KLF9: variants seen among roughly 807,000 people sequenced by gnomAD.
The protein encoded by KLF9 is Krueppel-like factor 9.
KLF9 carries 2 observed loss-of-function variants against 17.3 expected under a neutral mutation model. The observed-to-expected ratio is 0.12, with a 90% CI of 0.05 to 0.36. KLF9 has a LOEUF of 0.36. KLF9 is among the 10% of genes least tolerant of loss of function. KLF9 has a pLI of 1.00. For synonymous variants in KLF9, 138 were observed against 139.2 expected (o/e 0.99, Z 0.06); for missense variants, 226 against 333.2 (o/e 0.68, Z 2.51).
intron 1 of KLF9, among the ~76,000 whole-genome samples, chr9:70,389,247 C>T (rs1312317069): frequency 6.6e-6 from 1 of 152,076 alleles, no homozygotes; most frequent in African/African-American, 2.4e-5. Flanking sequence ...CATTTCCAAA[C>T]AATTCCAGTT....
intron 1 of KLF9, among the ~76,000 whole-genome samples, chr9:70,409,635 T>C (rs1385934311): frequency 6.6e-6 from 1 of 152,174 alleles, no homozygotes; most frequent in Non-Finnish European, 1.5e-5. Context: ...TATATTTTCA[T>C]ATAAAATACT....
At chr9:70,409,741 T>C (rs1296117195) in intron 1 of KLF9, among the ~76,000 whole-genome samples, 3 of 152,260 alleles carry the variant, frequency 2.0e-5, no homozygotes, top group Non-Finnish European at 4.4e-5. Flanking sequence ...ATTTGTTGCA[T>C]CTTTTGTTTT....
chr9:70,410,359 A>G (rs1311930612), intron 1 of KLF9, among the ~76,000 whole-genome samples: 1 of 152,268 alleles, frequency 6.6e-6, no homozygotes, highest in African/African-American at 2.4e-5. Flanking sequence ...CAGTTTGCAA[A>G]CTCTGAATTA....
At chr9:70,412,752 T>G (rs1159540079) in intron 1 of KLF9, 107 bp downstream of exon 1, 1 of 1,040,076 alleles carries the variant, frequency 9.6e-7, no homozygotes, top group Non-Finnish European at 1.4e-6. Flanking sequence ...TTATCCAACA[T>G]GTTTGCACCC....
At chr9:70,389,910 T>C (rs775636204) in intron 1 of KLF9, among the ~76,000 whole-genome samples, 5 of 152,188 alleles carry the variant, frequency 3.3e-5, no homozygotes, top group Non-Finnish European at 7.4e-5. Flanking sequence ...ACTCCTTGGC[T>C]AGGTGTGAGG....
In KLF9 at chr9:70,398,449, A is replaced by G. The variant is rs537589273; in HGVS notation, c.506-10444T>C. ...CAGCTATCTGTGAGACAGCACATGC[A>G]GTTCCAGCAGACCTCAAACAAAAGA... On this transcript the variant is annotated intron_variant, in intron 1 of 1. Coordinates refer to ENST00000377126, the MANE Select transcript of KLF9 (RefSeq NM_001206.4). 1.2e-4 allele frequency among the ~76,000 whole-genome samples: 19 copies of G among 152,290 alleles called. 1 individual carries two copies. In the South Asian group the frequency reaches 3.7e-3, roughly 30 times the overall value.
At chr9:70,401,490 A>G (rs995069965) in intron 1 of KLF9, among the ~76,000 whole-genome samples, 4 of 151,996 alleles carry the variant, frequency 2.6e-5, no homozygotes, top group East Asian at 3.9e-4. Flanking sequence ...GTTCGAGACC[A>G]TCCTGGCCAA....
chr9:70,388,066 G>C, intron 1 of KLF9, 61 bp from the exon 2 acceptor site: 1 of 1,341,802 alleles, frequency 7.5e-7, no homozygotes, highest in South Asian at 1.2e-5. Context: ...TCCGAAGGGC[G>C]GTCATGGTCA....
intron 1 of KLF9, 59 bp from the exon 2 acceptor site, chr9:70,388,064 G>T: frequency 7.2e-7 from 1 of 1,391,900 alleles, no homozygotes; most frequent in Non-Finnish European, 1.0e-6. Context: ...ATTCCGAAGG[G>T]CGGTCATGGT....
Position 70,387,753 on chromosome 9 carries a change from C to G in KLF9, c.*23G>C. On this transcript the variant is annotated 3_prime_UTR_variant, in exon 2 of 2. Transcript: ENST00000377126. Reference sequence around the variant, plus strand: ...TTTTCTCCTTTCGGGGTCCATCCCTCCCTGGCTTCCACGGGCAGCACCTCA... The same window carrying G: ...TTTTCTCCTTTCGGGGTCCATCCCTGCCTGGCTTCCACGGGCAGCACCTCA... The G allele has an allele frequency of 1.2e-6, 2 of 1,608,214 alleles. No individual in the cohort carries two copies. The highest frequency in any genetic ancestry group is 1.7e-4 in the Middle Eastern group (1 of 6,046).
intron 1 of KLF9, among the ~76,000 whole-genome samples, chr9:70,399,204 G>T (rs560025589): frequency 1.3e-5 from 2 of 152,270 alleles, no homozygotes; most frequent in South Asian, 2.1e-4. Context: ...GGCAAAATGT[G>T]GACCCTAAAC....
chr9:70,401,701 A>AAAAAAAAAAAG (rs2037223195), intron 1 of KLF9, among the ~76,000 whole-genome samples: 1 of 149,466 alleles, frequency 6.7e-6, no homozygotes, highest in African/African-American at 2.5e-5. Context: ...AAAAAAAAAA[A>AAAAAAAAAAAG]AAAAGAAAAG....
In KLF9 at chr9:70,413,255, G is replaced by A; in HGVS notation, c.109C>T (p.Arg37Ter). Residue 37 changes from arginine (R) to a stop codon, truncating the protein, a stop_gained, in exon 1 of 2, where the codon CGA (arginine) becomes TGA (stop). Transcript: ENST00000377126. LOFTEE classifies it high-confidence loss of function. The surrounding 1 kb of genome is among the most constrained non-coding windows in gnomAD (Gnocchi z 5.6). The stretch of plus-strand genomic sequence containing the variant: ...TTGGTCACCTCGCGCTCAGGTAGTC[G>A]CAGCCGCTCGGCGTCCGGAGCGACC... Reference protein sequence around the residue: ...HGVAPDAERLRLPEREVTKEH... With the variant: ...HGVAPDAERL The A allele has an allele frequency of 6.2e-7, 1 of 1,613,594 alleles. No homozygotes were observed.
At chr9:70,409,856 T>TAAATTAAC (rs1196281425) in intron 1 of KLF9, among the ~76,000 whole-genome samples, 1 of 152,232 alleles carries the variant, frequency 6.6e-6, no homozygotes, top group Admixed American at 6.5e-5. Flanking sequence ...TTTGAAAATG[T>TAAATTAAC]AAATTAACAT....
chr9:70,403,823 G>A (rs2037240095), intron 1 of KLF9, among the ~76,000 whole-genome samples: 1 of 152,182 alleles, frequency 6.6e-6, no homozygotes, highest in South Asian at 2.1e-4. Context: ...GGTATGGTCA[G>A]AGTCCAAGAT....
intron 1 of KLF9, among the ~76,000 whole-genome samples, chr9:70,393,428 G>A (rs914035993): frequency 1.3e-5 from 2 of 152,140 alleles, no homozygotes; most frequent in African/African-American, 4.8e-5. Context: ...CTTGCTCACT[G>A]GACATAGGCA....
chr9:70,388,859 C>T (rs2118905861), intron 1 of KLF9, among the ~76,000 whole-genome samples: 1 of 152,224 alleles, frequency 6.6e-6, no homozygotes, highest in South Asian at 2.1e-4. Flanking sequence ...AAGTTTGTGC[C>T]AGGTGTGTAA....
intron 1 of KLF9, among the ~76,000 whole-genome samples, chr9:70,396,878 T>C (rs978247058): frequency 2.6e-5 from 4 of 152,080 alleles, no homozygotes; most frequent in Non-Finnish European, 4.4e-5. Flanking sequence ...ACAAATGGCT[T>C]GATCAAGAAT....
intron 1 of KLF9, among the ~76,000 whole-genome samples, chr9:70,402,372 T>C (rs966527634): frequency 6.6e-6 from 1 of 152,218 alleles, no homozygotes; most frequent in African/African-American, 2.4e-5. Flanking sequence ...TTCTTGGGCA[T>C]TGTGCACACT....
Sources: allele counts gnomAD v4.1 joint callset (sites outside exome capture counted in the v4.1 genomes callset), GRCh38; gene constraint gnomAD v4.1.1; non-coding constraint Gnocchi (gnomAD v3.1); transcripts MANE v1.5; gene names NCBI Gene and HGNC (gene_info 2026-07-23, HGNC 2026-07-21).